DNAH6: variants seen among roughly 807,000 people sequenced by gnomAD.
DNAH6 encodes the protein dynein axonemal heavy chain 6, also known as axonemal beta dynein heavy chain 6.
Under a neutral mutation model 491.4 loss-of-function variants are expected in DNAH6, and 340 were observed. The observed-to-expected ratio is 0.69, with a 90% CI of 0.63 to 0.76. The LOEUF (loss-of-function observed/expected upper bound fraction) is 0.76. Among genes scored for constraint, DNAH6 ranks in the 30% least tolerant of loss-of-function variants. DNAH6 has a pLI of 0.00. For synonymous variants in DNAH6, 1,603 were observed against 1,686.1 expected (o/e 0.95, Z 1.21); for missense variants, 4,443 against 4,972.2 (o/e 0.89, Z 3.20).
chr2:84,802,704 A>C (rs1247131358), intron 70 of DNAH6, among the ~76,000 whole-genome samples: 1 of 152,206 alleles, frequency 6.6e-6, no homozygotes, highest in Non-Finnish European at 1.5e-5. Flanking sequence ...ATACTTGACT[A>C]ATTGGACCTA....
Position 84,733,662 on chromosome 2 carries a change from T to C in DNAH6, c.10342+83T>C, listed in dbSNP as rs528969461. The C allele has an allele frequency of 1.6e-5, 20 of 1,278,300 alleles. No homozygotes were observed. The South Asian group carries it at 3.4e-4, about 21-fold the overall frequency. The allele number at this position is 1,278,300 out of a possible 1,614,324, so 79.2% of individuals were successfully genotyped here. A position where few individuals can be genotyped will look rare whatever the true frequency, so the allele number is the denominator to read the frequency against. ...TCTTAATGTTTTCTTTAACCTCTTC[T>C]GTAATGTCAGCATTTTTCACTAGGA... On this transcript the variant is annotated intron_variant, in intron 62 of 76. Coordinates refer to ENST00000389394, the MANE Select transcript of DNAH6 (RefSeq NM_001370.2).
the DNAH6 span, among the ~76,000 whole-genome samples, chr2:84,487,704 C>T: frequency 0.84 from 127,685 of 152,178 alleles, 55,304 homozygotes; most frequent in East Asian, 0.99. Flanking sequence ...AAAGTCTGCC[C>T]GTAATGAAGC....
chr2:84,739,161 C>A (rs1366284229), intron 62 of DNAH6, among the ~76,000 whole-genome samples: 2 of 152,082 alleles, frequency 1.3e-5, no homozygotes, highest in African/African-American at 4.8e-5. Flanking sequence ...AAAAATAGGC[C>A]CCAGTTTCTT....
rs1687701828 is a variant in DNAH6 at position 84,624,751 on chromosome 2, C to A, written c.4353+131C>A. The A allele has an allele frequency of 3.2e-6, 4 of 1,260,630 alleles. No individual in the cohort carries two copies. In the African/African-American group the frequency reaches 4.6e-5, roughly 14 times the overall value. The allele number at this position is 1,260,630 out of a possible 1,614,324, so 78.1% of individuals were successfully genotyped here. A position where few individuals can be genotyped will look rare whatever the true frequency, so the allele number is the denominator to read the frequency against. On this transcript the variant is annotated intron_variant, in intron 28 of 76. Transcript: ENST00000389394. ...TACATCTTTGTAAAGCAAATATTTG[C>A]ATTATTTAATTATGTGCATGGATCT...
intron 63 of DNAH6, among the ~76,000 whole-genome samples, chr2:84,756,983 G>C (rs149178988): frequency 6.6e-6 from 1 of 152,162 alleles, no homozygotes; most frequent in Non-Finnish European, 1.5e-5. Flanking sequence ...CAAAGAACTT[G>C]GTGATAAAGA....
intron 3 of DNAH6, among the ~76,000 whole-genome samples, chr2:84,527,803 A>G (rs1265750850): frequency 1.3e-5 from 2 of 152,166 alleles, no homozygotes; most frequent in Non-Finnish European, 1.5e-5. Flanking sequence ...TGTGAGTACA[A>G]ATTTTCTGGA....
At chr2:84,773,063 AAT>A (rs1675781206) in intron 64 of DNAH6, among the ~76,000 whole-genome samples, 1 of 152,120 alleles carries the variant, frequency 6.6e-6, no homozygotes, top group Non-Finnish European at 1.5e-5. Context: ...GAAATTAGAA[AAT>A]ACTTTATTCA....
chr2:84,480,231 C>T, the DNAH6 span, among the ~76,000 whole-genome samples: 7 of 152,114 alleles, frequency 4.6e-5, no homozygotes, highest in East Asian at 1.2e-3. Flanking sequence ...GAGGTTACTC[C>T]GTTACTTTTA....
At chr2:84,774,747 C>T (rs1457449841) in intron 64 of DNAH6, among the ~76,000 whole-genome samples, 1 of 151,876 alleles carries the variant, frequency 6.6e-6, no homozygotes, top group Non-Finnish European at 1.5e-5. Context: ...TGCAGTTCTC[C>T]TTGTAGAGAT....
chr2:84,514,112 C>T (rs1675440256), upstream of DNAH6, among the ~76,000 whole-genome samples: 1 of 152,152 alleles, frequency 6.6e-6, no homozygotes, highest in African/African-American at 2.4e-5. Flanking sequence ...CATTTGTACC[C>T]ACAGCACCCA....
Position 84,713,194 on chromosome 2 carries a change from G to A in DNAH6, c.9478G>A (p.Asp3160Asn), listed in dbSNP as rs986234093. 1 of 1,551,992 alleles carries A rather than the reference G, an allele frequency of 6.4e-7. No individual in the cohort carries two copies. Among genetic ancestry groups the A allele is most frequent in the Non-Finnish European group, 8.7e-7 (1 of 1,147,058 alleles). The change falls in exon 57 of 77, where the codon GAT becomes AAT. Residue 3160 changes from aspartate to asparagine, a missense_variant. Physicochemically the swap from Asp to Asn is conservative, Grantham distance 23. Transcript: ENST00000389394. ...LLIRLGDSDIDYDKNFRFYMT... is the reference protein window; with the variant it reads ...LLIRLGDSDINYDKNFRFYMT... ...CATCCGTCTTGGAGACTCAGACATTGATTATGACAAAAACTTTAGGTTCTA... is the reference window on the plus strand; with the variant it reads ...CATCCGTCTTGGAGACTCAGACATTAATTATGACAAAAACTTTAGGTTCTA...
Position 84,819,313 on chromosome 2 carries a change from A to G in DNAH6, c.12382A>G (p.Thr4128Ala). The G allele has an allele frequency of 6.5e-7, 1 of 1,549,182 alleles. No homozygotes were observed. The highest frequency in any genetic ancestry group is 8.7e-7 in the Non-Finnish European group (1 of 1,145,826). ...AGTLSTTGHS[T>A]NFVVTVLLPS... ...CCTATATCCTTAATTAGGACATTCA[A>G]CCAATTTTGTGGTAACCGTCCTGTT... The change falls in exon 77 of 77, where the codon ACC becomes GCC. Residue 4128 changes from threonine (T) to alanine (A), a missense_variant. Physicochemically the swap from Thr to Ala is moderately conservative, Grantham distance 58. Transcript: ENST00000389394.
intron 72 of DNAH6, among the ~76,000 whole-genome samples, chr2:84,810,309 A>G (rs1174853050): frequency 6.6e-6 from 1 of 152,242 alleles, no homozygotes; most frequent in Non-Finnish European, 1.5e-5. Context: ...TAACTGACAT[A>G]CTAAATCTTC....
At chr2:84,473,705 T>C in the DNAH6 span, among the ~76,000 whole-genome samples, 12 of 152,220 alleles carry the variant, frequency 7.9e-5, no homozygotes, top group African/African-American at 2.9e-4. Context: ...CTAAATTATC[T>C]CTTTGAATTT....
At chr2:84,544,532 T>C in intron 5 of DNAH6, 32 bp downstream of exon 5, 1 of 1,217,378 alleles carries the variant, frequency 8.2e-7, no homozygotes, top group South Asian at 1.6e-5. Flanking sequence ...TTTAAAATAA[T>C]TACTTACAAA....
intron 48 of DNAH6, 90 bp downstream of exon 48, chr2:84,699,824 C>T (rs1310426799): frequency 8.1e-7 from 1 of 1,234,962 alleles, no homozygotes; most frequent in Non-Finnish European, 1.1e-6. Context: ...CTCATGGGTA[C>T]TTGTATTAGC....
chr2:84,795,691 T>C (rs986576071), intron 68 of DNAH6, among the ~76,000 whole-genome samples: 3 of 152,168 alleles, frequency 2.0e-5, no homozygotes, highest in East Asian at 1.9e-4. Flanking sequence ...TAGATTCCAG[T>C]GTGCTTCCTT....
chr2:84,715,125 G>T (rs1189168412), intron 57 of DNAH6, among the ~76,000 whole-genome samples: 1 of 151,872 alleles, frequency 6.6e-6, no homozygotes, highest in Non-Finnish European at 1.5e-5. Flanking sequence ...TACCTCATTT[G>T]GTTCTCACGG....
intron 62 of DNAH6, among the ~76,000 whole-genome samples, chr2:84,739,764 A>G (rs529548380): frequency 1.3e-5 from 2 of 152,024 alleles, no homozygotes; most frequent in Non-Finnish European, 2.9e-5. Flanking sequence ...TAATATAGCT[A>G]TGTTGTCTTT....
Sources: gnomAD v4.1 joint callset for allele counts (sites outside exome capture counted in the v4.1 genomes callset) on GRCh38, gnomAD v4.1.1 for gene constraint, MANE v1.5 for transcripts, NCBI Gene and HGNC (gene_info 2026-07-23, HGNC 2026-07-21) for gene names.